DLG2: variants seen among roughly 807,000 people sequenced by gnomAD.
DLG2 encodes disks large homolog 2.
A neutral mutation model predicts 132.5 loss-of-function variants in DLG2; 45 were observed. The observed-to-expected ratio is 0.34, with a 90% CI of 0.27 to 0.44. The LOEUF is 0.44. Among genes scored for constraint, DLG2 ranks in the 20% least tolerant of loss-of-function variants. The pLI is 1.00. For missense variants in DLG2, 1,045 were observed against 1,196.9 expected (o/e 0.87, Z 1.87); for synonymous variants, 424 against 419.6 (o/e 1.01, Z -0.13).
At chr11:84,894,892 C>T (rs975520664) in intron 6 of DLG2, among the ~76,000 whole-genome samples, 8 of 134,594 alleles carry the variant, frequency 5.9e-5, no homozygotes, top group East Asian at 3.9e-4. Flanking sequence ...AGACCCCTTG[C>T]GGATTCTGAG....
At chr11:84,439,415 C>T (rs952014233) in intron 7 of DLG2, among the ~76,000 whole-genome samples, 1 of 152,092 alleles carries the variant, frequency 6.6e-6, no homozygotes, top group Non-Finnish European at 1.5e-5. Context: ...CAGTGGTACC[C>T]CTGGGGTAGC....
At chr11:84,505,033 G>T (rs914120319) in intron 7 of DLG2, among the ~76,000 whole-genome samples, 6 of 152,078 alleles carry the variant, frequency 3.9e-5, no homozygotes, top group Non-Finnish European at 7.4e-5. Flanking sequence ...ATTGCCAATG[G>T]ATAGGAGCAC....
chr11:84,341,530 G>C (rs918778500), intron 7 of DLG2, among the ~76,000 whole-genome samples: 1 of 152,130 alleles, frequency 6.6e-6, no homozygotes, highest in Non-Finnish European at 1.5e-5. Flanking sequence ...CAGAGATTAT[G>C]ATTTAATTAT....
At chr11:84,846,743 G>T (rs1266493083) in intron 6 of DLG2, among the ~76,000 whole-genome samples, 4 of 152,158 alleles carry the variant, frequency 2.6e-5, no homozygotes, top group African/African-American at 9.7e-5. Context: ...TAATGTATCA[G>T]AAGTTACTTT....
At chr11:83,687,195 A>G (rs2079952215) in intron 18 of DLG2, among the ~76,000 whole-genome samples, 1 of 152,180 alleles carries the variant, frequency 6.6e-6, no homozygotes, top group Non-Finnish European at 1.5e-5. Context: ...AAATGTTGAA[A>G]CAATACATTT....
At chr11:83,865,200 A>G (rs1317289969) in intron 16 of DLG2, among the ~76,000 whole-genome samples, 1 of 152,164 alleles carries the variant, frequency 6.6e-6, no homozygotes, top group African/African-American at 2.4e-5. Context: ...TGTATGTGAC[A>G]TTTCTGTTAA....
At chr11:84,313,783 T>C (rs186968992) in intron 7 of DLG2, among the ~76,000 whole-genome samples, 1 of 152,314 alleles carries the variant, frequency 6.6e-6, no homozygotes, top group African/African-American at 2.4e-5. Context: ...TTCCCTAGAT[T>C]AGTCTGCACT....
intron 8 of DLG2, chr11:84,166,959 G>A: frequency 1.9e-6 from 1 of 533,158 alleles, no homozygotes; most frequent in Non-Finnish European, 3.8e-6. Flanking sequence ...TAAGTACCTT[G>A]GTCATATTTT....
chr11:84,663,912 T>A (rs1359903733), intron 6 of DLG2, among the ~76,000 whole-genome samples: 2 of 152,176 alleles, frequency 1.3e-5, no homozygotes, highest in Non-Finnish European at 2.9e-5. Context: ...GCAAATGTCT[T>A]GTCTCCAGAT....
intron 3 of DLG2, among the ~76,000 whole-genome samples, chr11:85,357,751 T>A (rs1175006288): frequency 2.8e-5 from 2 of 70,726 alleles, no homozygotes; most frequent in East Asian, 8.3e-4. Context: ...TATATATATA[T>A]ATATATATAT....
chr11:83,889,978 G>A (rs1340303156), intron 15 of DLG2, among the ~76,000 whole-genome samples: 2 of 111,280 alleles, frequency 1.8e-5, no homozygotes, highest in Non-Finnish European at 3.5e-5. Context: ...GGGGAGGGGG[G>A]AGGGATAGCT....
At chr11:85,321,198 G>T (rs2081042979) in intron 3 of DLG2, among the ~76,000 whole-genome samples, 1 of 151,776 alleles carries the variant, frequency 6.6e-6, no homozygotes, top group Non-Finnish European at 1.5e-5. Flanking sequence ...CTACATGAAG[G>T]CTATGAGAGA....
At chr11:83,539,915 C>T (rs1042987818) in intron 20 of DLG2, among the ~76,000 whole-genome samples, 1 of 152,116 alleles carries the variant, frequency 6.6e-6, no homozygotes, top group Non-Finnish European at 1.5e-5. Flanking sequence ...AAACAAATGA[C>T]TTGATAAGAT....
intron 7 of DLG2, among the ~76,000 whole-genome samples, chr11:84,285,027 C>G (rs2097895024): frequency 2.0e-5 from 3 of 152,174 alleles, no homozygotes; most frequent in African/African-American, 7.2e-5. Flanking sequence ...TAGGACTTCT[C>G]TGTTACTTTT....
At chr11:83,970,739 C>T (rs574790343) in intron 12 of DLG2, among the ~76,000 whole-genome samples, 3 of 152,282 alleles carry the variant, frequency 2.0e-5, no homozygotes, top group South Asian at 2.1e-4. Flanking sequence ...AGGCACAATA[C>T]AGTTCTTAAT....
chr11:84,346,764 G>A (rs1373148743), intron 7 of DLG2, among the ~76,000 whole-genome samples: 1 of 152,128 alleles, frequency 6.6e-6, no homozygotes, highest in East Asian at 1.9e-4. Flanking sequence ...TTTTAGCAGA[G>A]GCGGGGTTTC....
At chr11:85,034,372 G>T (rs1250314407) in intron 6 of DLG2, among the ~76,000 whole-genome samples, 1 of 152,148 alleles carries the variant, frequency 6.6e-6, no homozygotes, top group East Asian at 1.9e-4. Flanking sequence ...ACAGCATCTG[G>T]CCTAGATGTT....
chr11:85,231,244 G>A (rs1347027019), intron 4 of DLG2, among the ~76,000 whole-genome samples: 1 of 151,824 alleles, frequency 6.6e-6, no homozygotes, highest in Non-Finnish European at 1.5e-5. Flanking sequence ...TTTGTTATAA[G>A]TTGTCTTTCT....
chr11:85,420,587 C>G (rs1475498496), intron 3 of DLG2, among the ~76,000 whole-genome samples: 1 of 152,186 alleles, frequency 6.6e-6, no homozygotes, highest in Non-Finnish European at 1.5e-5. Flanking sequence ...ACCTATAAGC[C>G]CCCTGACTGT....
Sources: gnomAD v4.1 joint callset for allele counts (sites outside exome capture counted in the v4.1 genomes callset) on GRCh38, gnomAD v4.1.1 for gene constraint, MANE v1.5 for transcripts, NCBI Gene and HGNC (gene_info 2026-07-23, HGNC 2026-07-21) for gene names.